Variants in PTPRM observed in about 807,000 individuals in gnomAD.
PTPRM encodes receptor-type tyrosine-protein phosphatase mu.
A neutral mutation model predicts 186.7 loss-of-function variants in PTPRM; 47 were observed. The observed-to-expected ratio is 0.25, with a 90% CI of 0.20 to 0.32. The LOEUF (loss-of-function observed/expected upper bound fraction) is 0.32. Ranked by LOEUF, PTPRM falls within the 10% of genes least tolerant of loss-of-function variation. PTPRM has a pLI of 1.00. For missense variants in PTPRM, 1,494 were observed against 1,865.0 expected (o/e 0.80, Z 3.66); for synonymous variants, 668 against 674.9 (o/e 0.99, Z 0.16).
Position 7,605,955 on chromosome 18 carries a change from G to A in PTPRM, c.73+38064G>A, listed in dbSNP as rs988396528. ...GTGTGGCTTGAAACCTGGGAACCTT[G>A]TTTCTGGGGATGAGCAGGATGTAGG... is the stretch of plus-strand genomic sequence containing the variant. On this transcript the variant is annotated intron_variant, in intron 1 of 32. Coordinates refer to ENST00000580170, the MANE Select transcript of PTPRM (RefSeq NM_001105244.2). Among the ~76,000 whole-genome samples the A allele has an allele frequency of 5.3e-5, 8 of 152,160 alleles. No homozygotes were observed. The East Asian group carries it at 1.5e-3, about 29-fold the overall frequency.
At chr18:8,358,131 T>C (rs1339143780) in intron 23 of PTPRM, among the ~76,000 whole-genome samples, 1 of 147,520 alleles carries the variant, frequency 6.8e-6, no homozygotes, top group East Asian at 2.0e-4. Flanking sequence ...GGCTAGCTAT[T>C]CCCCCCCCCA....
intron 13 of PTPRM, among the ~76,000 whole-genome samples, chr18:8,135,392 G>C (rs937085605): frequency 6.6e-6 from 1 of 152,028 alleles, no homozygotes; most frequent in Non-Finnish European, 1.5e-5. Flanking sequence ...CTCATACTTT[G>C]GAGCCATAGT....
In PTPRM at chr18:7,966,862, G is replaced by T. The variant is rs368312418; in HGVS notation, c.1132+11448G>T. 6.3e-5 allele frequency among the ~76,000 whole-genome samples: 8 copies of T among 127,956 alleles called. 2 individuals carry two copies. In the South Asian group the frequency reaches 7.6e-4, roughly 12 times the overall value. The allele number at this position is 127,956 out of a possible 152,430, so 83.9% of individuals were successfully genotyped here. A position where few individuals can be genotyped will look rare whatever the true frequency, so the allele number is the denominator to read the frequency against. On this transcript the variant is annotated intron_variant, in intron 7 of 32. Coordinates refer to ENST00000580170, the MANE Select transcript of PTPRM (RefSeq NM_001105244.2). ...GCAGTCTGAGATCAAACCGCAAGGCGGCAGCGAGGCTGGGGGAGGGGCGCC... is the reference window on the plus strand; with the variant it reads ...GCAGTCTGAGATCAAACCGCAAGGCTGCAGCGAGGCTGGGGGAGGGGCGCC...
At chr18:8,236,138 C>T (rs1036085010) in intron 14 of PTPRM, among the ~76,000 whole-genome samples, 1 of 152,174 alleles carries the variant, frequency 6.6e-6, no homozygotes, top group African/African-American at 2.4e-5. Flanking sequence ...GATTTTCTGC[C>T]TGCTGAGCTG....
At chr18:7,960,480 T>TATATATATATATATACACACACACACAC (rs1300573371) in intron 7 of PTPRM, among the ~76,000 whole-genome samples, 1 of 86,602 alleles carries the variant, frequency 1.2e-5, no homozygotes, top group African/African-American at 4.4e-5. Flanking sequence ...TATATATATA[T>TATATATATATATATACACACACACACAC]ACACACACAC....
At chr18:7,572,755 G>T (rs1215741343) in intron 1 of PTPRM, among the ~76,000 whole-genome samples, 6 of 152,124 alleles carry the variant, frequency 3.9e-5, no homozygotes. Flanking sequence ...TCACTTTTTA[G>T]TGTGCTTACT....
intron 13 of PTPRM, among the ~76,000 whole-genome samples, chr18:8,143,203 T>C (rs560543440): frequency 1.3e-5 from 2 of 152,314 alleles, no homozygotes; most frequent in Non-Finnish European, 2.9e-5. Flanking sequence ...TCCAGGTGTT[T>C]GGACTAATAT....
chr18:7,775,627 T>C (rs1230647353), intron 2 of PTPRM, among the ~76,000 whole-genome samples: 2 of 152,298 alleles, frequency 1.3e-5, no homozygotes. Flanking sequence ...TCCTTAGATT[T>C]AGTCCTGGTA....
intron 2 of PTPRM, among the ~76,000 whole-genome samples, chr18:7,786,151 A>G (rs1344104695): frequency 6.6e-6 from 1 of 152,224 alleles, no homozygotes; most frequent in Non-Finnish European, 1.5e-5. Context: ...GTGATGAATT[A>G]TATCTTAAAG....
intron 1 of PTPRM, among the ~76,000 whole-genome samples, chr18:7,719,149 T>C (rs533693754): frequency 1.7e-4 from 26 of 152,284 alleles, no homozygotes; most frequent in African/African-American, 6.0e-4. Flanking sequence ...CCAATATAAA[T>C]GCCCATCAGC....
chr18:8,392,444 G>A (rs1397087804), intron 31 of PTPRM, among the ~76,000 whole-genome samples: 7 of 152,090 alleles, frequency 4.6e-5, no homozygotes, highest in Admixed American at 3.9e-4. Context: ...CTAACACGGT[G>A]AAACCCCATC....
intron 13 of PTPRM, among the ~76,000 whole-genome samples, chr18:8,141,934 A>T (rs977524541): frequency 1.8e-4 from 28 of 152,216 alleles, no homozygotes; most frequent in African/African-American, 6.8e-4. Context: ...AACTTAAAAA[A>T]ATTTTGTTTA....
intron 1 of PTPRM, among the ~76,000 whole-genome samples, chr18:7,610,585 G>A (rs2037648145): frequency 6.6e-6 from 1 of 152,140 alleles, no homozygotes; most frequent in Admixed American, 6.6e-5. Context: ...CATGTATGAG[G>A]ACACATATAA....
intron 11 of PTPRM, among the ~76,000 whole-genome samples, chr18:8,095,201 A>G (rs369017152): frequency 1.6e-4 from 24 of 152,228 alleles, no homozygotes; most frequent in African/African-American, 5.5e-4. Flanking sequence ...GAGGATGGGA[A>G]CCAGTGGCCT....
chr18:8,254,396 G>A (rs979515124), intron 19 of PTPRM, among the ~76,000 whole-genome samples: 4 of 152,182 alleles, frequency 2.6e-5, no homozygotes, highest in African/African-American at 9.7e-5. Context: ...GGTGGTGTGG[G>A]GCCCAGGGAG....
At chr18:8,124,748 G>T (rs1325707688) in intron 13 of PTPRM, among the ~76,000 whole-genome samples, 1 of 152,156 alleles carries the variant, frequency 6.6e-6, no homozygotes, top group African/African-American at 2.4e-5. Context: ...TTTTCTATCT[G>T]TGACCCATTC....
chr18:7,791,084 G>A (rs1446203425), intron 2 of PTPRM, among the ~76,000 whole-genome samples: 2 of 152,008 alleles, frequency 1.3e-5, no homozygotes, highest in East Asian at 3.9e-4. Flanking sequence ...TCTTTTCCAA[G>A]CTAAATAATG....
intron 1 of PTPRM, among the ~76,000 whole-genome samples, chr18:7,694,458 G>A (rs1201911276): frequency 3.6e-5 from 5 of 138,876 alleles, no homozygotes; most frequent in Non-Finnish European, 6.1e-5. Flanking sequence ...ACAGAGTCTC[G>A]CTCTGTTGCC....
At chr18:7,985,141 A>G (rs542430759) in intron 7 of PTPRM, among the ~76,000 whole-genome samples, 1 of 130,558 alleles carries the variant, frequency 7.7e-6, no homozygotes, top group South Asian at 2.3e-4. Flanking sequence ...ATATATACAT[A>G]TAATTGTATA....
Sources: allele counts gnomAD v4.1 joint callset (sites outside exome capture counted in the v4.1 genomes callset), GRCh38; gene constraint gnomAD v4.1.1; transcripts MANE v1.5; gene names NCBI Gene and HGNC (gene_info 2026-07-23, HGNC 2026-07-21).